The following TCTN2 variants were observed in gnomAD, a reference collection of about 807,000 sequenced individuals.
TCTN2 encodes tectonic-2.
TCTN2 carries 66 observed loss-of-function variants against 83.4 expected under a neutral mutation model. The ratio of observed to expected loss-of-function variants is 0.79; its 90% confidence interval spans 0.65 to 0.97. TCTN2 has a LOEUF of 0.97. TCTN2 is among the 50% of genes least tolerant of loss of function. The pLI is 0.00. For synonymous variants in TCTN2, 301 were observed against 326.7 expected (o/e 0.92, Z 0.85); for missense variants, 794 against 858.1 (o/e 0.93, Z 0.93).
At chr12:123,683,988 AG>A in intron 5 of TCTN2, among the ~76,000 whole-genome samples, 1 of 152,328 alleles carries the variant, frequency 6.6e-6, no homozygotes, top group South Asian at 2.1e-4. Context: ...CTGCAAAAGA[AG>A]AAATTTACTG....
chr12:123,699,474 T>A (rs1237797188), intron 13 of TCTN2, among the ~76,000 whole-genome samples: 2 of 151,982 alleles, frequency 1.3e-5, no homozygotes, highest in African/African-American at 2.4e-5. Flanking sequence ...ACATTTTAAG[T>A]CTAAAGTAAA....
chr12:123,692,656 AG>A lies in TCTN2; in HGVS notation c.1034del. ...GGAAGTTAATTTATGTTATCTCTTTAGGCATAGTTACACCAAAAGTGATCTA... is the reference window on the plus strand; with the variant it reads ...GGAAGTTAATTTATGTTATCTCTTTAGCATAGTTACACCAAAAGTGATCTA... On this transcript the variant is annotated splice_acceptor_variant, in intron 8 of 17. Coordinates refer to ENST00000303372, the MANE Select transcript of TCTN2 (RefSeq NM_024809.5). LOFTEE classifies it high-confidence loss of function. The A allele has an allele frequency of 6.2e-7, 1 of 1,609,922 alleles. No individual in the cohort carries two copies. The highest frequency in any genetic ancestry group is 8.5e-7 in the Non-Finnish European group (1 of 1,176,210).
At chr12:123,684,399 C>CTTTT (rs528065302) in intron 5 of TCTN2, among the ~76,000 whole-genome samples, 1 of 127,806 alleles carries the variant, frequency 7.8e-6, no homozygotes, top group African/African-American at 2.9e-5. Context: ...TATTGTCATT[C>CTTTT]TTTTTTTTTT....
chr12:123,687,484 T>C (rs920744538), intron 6 of TCTN2, among the ~76,000 whole-genome samples: 5 of 151,730 alleles, frequency 3.3e-5, no homozygotes, highest in African/African-American at 1.2e-4. Context: ...AGTGAAACCC[T>C]GTCTCTACTA....
Position 123,695,233 on chromosome 12 carries a change from G to A in TCTN2, c.1248G>A (p.Gln416=), listed in dbSNP as rs766355400. 1 of 1,573,438 alleles carries A rather than the reference G, an allele frequency of 6.4e-7. No individual in the cohort carries two copies. The highest frequency in any genetic ancestry group is 8.7e-7 in the Non-Finnish European group (1 of 1,143,316). ...INAHQKGIMT[Q]RFVVKFLSYN... ...TTTTATTTCTAGGGATAATGACACA[G>A]AGATTTGTAGTAAAATTTTTAAGCT... Residue 416 remains glutamine, a synonymous_variant, in exon 11 of 18, where the codon CAG becomes CAA. Transcript: ENST00000303372.
rs1188787827 is a variant in TCTN2 at position 123,673,947 on chromosome 12, G to A, written c.463+137G>A. ...GGGAGGTTAATGCTACAAATGAGCT[G>A]TGATCGCGCCACTGCGTTCCAGCCA... is the stretch of plus-strand genomic sequence containing the variant. On this transcript the variant is annotated intron_variant, in intron 4 of 17. Coordinates refer to ENST00000303372, the MANE Select transcript of TCTN2 (RefSeq NM_024809.5). The A allele has an allele frequency of 7.4e-6, 6 of 814,490 alleles. 1 individual carries two copies. In the East Asian group the frequency reaches 1.5e-4, roughly 20 times the overall value. 50.5% of individuals were successfully genotyped at this position (814,490 alleles called of 1,614,324 possible).
chr12:123,703,357 T>G (rs759664187), intron 14 of TCTN2, among the ~76,000 whole-genome samples: 3 of 152,122 alleles, frequency 2.0e-5, no homozygotes. Flanking sequence ...AATTTTTGTA[T>G]TTTTAGTAGA....
chr12:123,682,231 C>T (rs1021612076), intron 5 of TCTN2, among the ~76,000 whole-genome samples: 1 of 152,146 alleles, frequency 6.6e-6, no homozygotes, highest in African/African-American at 2.4e-5. Context: ...CTCAGCCTCC[C>T]AAAGTGCAGG....
rs138427284 is a variant in TCTN2, at chr12:123,696,119, C to T, written c.1313-296C>T. The T allele has an allele frequency of 1.7e-3, 657 of 376,570 alleles. 3 individuals carry two copies. Among genetic ancestry groups the T allele is most frequent in the African/African-American group, 0.012 (570 of 47,798 alleles). 23.3% of individuals were successfully genotyped at this position (376,570 alleles called of 1,614,324 possible). ...TCGGCCTCCCAAAGTGCTAGGATTA[C>T]AGGCGTGAGCCACTACGCCTGGCCG... On this transcript the variant is annotated intron_variant, in intron 11 of 17. Transcript: ENST00000303372.
chr12:123,678,324 A>G (rs911670320), intron 4 of TCTN2, among the ~76,000 whole-genome samples: 3 of 152,254 alleles, frequency 2.0e-5, no homozygotes, highest in African/African-American at 7.2e-5. Flanking sequence ...ATGTGAAACA[A>G]AGAATGTGGA....
intron 4 of TCTN2, among the ~76,000 whole-genome samples, chr12:123,674,531 G>C (rs1955797087): frequency 6.6e-6 from 1 of 152,314 alleles, no homozygotes; most frequent in South Asian, 2.1e-4. Context: ...GCCTCCCAAA[G>C]TGCTGGGATT....
intron 5 of TCTN2, 33 bp downstream of exon 5, chr12:123,679,322 T>C (rs1202105011): frequency 1.9e-6 from 3 of 1,577,472 alleles, no homozygotes; most frequent in African/African-American, 1.3e-5. Flanking sequence ...ACAAAAGTTA[T>C]GCTACCTGTG....
At chr12:123,679,044 G>T in intron 4 of TCTN2, 145 bp from the exon 5 acceptor site, 1 of 676,560 alleles carries the variant, frequency 1.5e-6, no homozygotes, top group Admixed American at 2.0e-5. Context: ...TGATCCACCT[G>T]CCTTGGCCTC....
chr12:123,694,943 A>T lies in TCTN2; in HGVS notation c.1201A>T (p.Ile401Phe), dbSNP rs1956089676. 6.2e-7 allele frequency: 1 copy of T among 1,613,746 alleles called. No individual in the cohort carries two copies. Among genetic ancestry groups the T allele is most frequent in the East Asian group, 2.2e-5 (1 of 44,872 alleles). ...NNTISEINVK[I>F]FRAEINAHQK... ...TACCATCAGTGAAATAAATGTTAAA[A>T]TTTTTAGGGCAGAGATTAATGCCCA... Residue 401 changes from isoleucine to phenylalanine, a missense_variant, in exon 10 of 18, where the codon ATT (isoleucine) becomes TTT (phenylalanine). By Grantham distance (21) the Ile-to-Phe change is conservative. Transcript: ENST00000303372.
At position 123,671,175 on chromosome 12, in the gene TCTN2, T is replaced by C. The variant is rs1955743554; in HGVS notation, c.-66T>C. 6.7e-7 allele frequency: 1 copy of C among 1,481,748 alleles called. No homozygotes were observed. The highest frequency in any genetic ancestry group is 9.2e-7 in the Non-Finnish European group (1 of 1,084,178). 91.8% of individuals were successfully genotyped at this position (1,481,748 alleles called of 1,614,324 possible). On this transcript the variant is annotated 5_prime_UTR_variant, in exon 1 of 18. Coordinates refer to ENST00000303372, the MANE Select transcript of TCTN2 (RefSeq NM_024809.5). ...GGGCAGTGGCTGCTGCGTTTTCGTG[T>C]CTGAGTCCTTCCTGGGTTCTAATGA...
chr12:123,694,809 C>T, intron 9 of TCTN2, 33 bp from the exon 10 acceptor site: 1 of 1,604,168 alleles, frequency 6.2e-7, no homozygotes, highest in Non-Finnish European at 8.5e-7. Flanking sequence ...CAAAGAGGGT[C>T]TTTAATTTAT....
chr12:123,676,245 C>T (rs1403287421), intron 4 of TCTN2, among the ~76,000 whole-genome samples: 1 of 151,800 alleles, frequency 6.6e-6, no homozygotes, highest in Non-Finnish European at 1.5e-5. Context: ...GCTCCATGTA[C>T]TCCAGCCTGG....
intron 4 of TCTN2, among the ~76,000 whole-genome samples, chr12:123,674,940 C>T (rs1460649428): frequency 6.6e-6 from 1 of 152,046 alleles, no homozygotes; most frequent in Non-Finnish European, 1.5e-5. Flanking sequence ...TGCAGGGGCA[C>T]GATCCTGGCT....
intron 8 of TCTN2, among the ~76,000 whole-genome samples, 163 bp downstream of exon 8, chr12:123,690,837 A>G (rs1956032675): frequency 6.6e-6 from 1 of 152,214 alleles, no homozygotes; most frequent in South Asian, 2.1e-4. Flanking sequence ...AGCATATTGC[A>G]TATTAATTAT....
Sources: gnomAD v4.1 joint callset for allele counts (sites outside exome capture counted in the v4.1 genomes callset) on GRCh38, gnomAD v4.1.1 for gene constraint, MANE v1.5 for transcripts, NCBI Gene and HGNC (gene_info 2026-07-23, HGNC 2026-07-21) for gene names.